Variants in NUP210L observed in about 807,000 individuals in gnomAD.
NUP210L encodes nucleoporin 210 like.
NUP210L carries 74 observed loss-of-function variants against 208.5 expected under a neutral mutation model. The observed-to-expected ratio is 0.35, with a 90% CI of 0.29 to 0.43. The LOEUF is 0.43. Among genes scored for constraint, NUP210L ranks in the 20% least tolerant of loss-of-function variants. The pLI, the probability that NUP210L is intolerant of heterozygous loss-of-function variation, is 1.00. For synonymous variants in NUP210L, 780 were observed against 816.9 expected (o/e 0.95, Z 0.77); for missense variants, 1,843 against 2,289.4 (o/e 0.81, Z 3.98).
chr1:154,085,201 A>C (rs1012513579), intron 16 of NUP210L, among the ~76,000 whole-genome samples: 7 of 145,634 alleles, frequency 4.8e-5, no homozygotes, highest in Admixed American at 6.9e-5. Flanking sequence ...CAAAAAAAAA[A>C]TAGCCAGGCT....
At chr1:154,071,105 T>C (rs1040707559) in intron 16 of NUP210L, among the ~76,000 whole-genome samples, 4 of 147,052 alleles carry the variant, frequency 2.7e-5, no homozygotes, top group Non-Finnish European at 6.0e-5. Context: ...TTGTTTTTTG[T>C]TTTTTTTTTG....
intron 25 of NUP210L, among the ~76,000 whole-genome samples, chr1:154,051,448 T>C: frequency 6.6e-6 from 1 of 152,106 alleles, no homozygotes. Flanking sequence ...TCTCCTGACC[T>C]CGTTATCCAA....
intron 15 of NUP210L, among the ~76,000 whole-genome samples, chr1:154,092,370 C>T (rs1365284107): frequency 2.7e-5 from 4 of 148,292 alleles, no homozygotes; most frequent in Non-Finnish European, 4.5e-5. Flanking sequence ...TTAGCCACCG[C>T]GCCCGGCCTT....
chr1:154,017,305 G>C (rs994313067), intron 33 of NUP210L, among the ~76,000 whole-genome samples: 1 of 148,070 alleles, frequency 6.8e-6, no homozygotes, highest in Non-Finnish European at 1.5e-5. Context: ...AAAGGGGGGG[G>C]CTCAGGTCAC....
chr1:154,059,169 T>C (rs1654015394), intron 20 of NUP210L, among the ~76,000 whole-genome samples: 1 of 152,122 alleles, frequency 6.6e-6, no homozygotes, highest in African/African-American at 2.4e-5. Context: ...ACCCTGTCTT[T>C]ACCCAAAACA....
chr1:154,065,483 C>A (rs1654356948), intron 17 of NUP210L, among the ~76,000 whole-genome samples: 1 of 151,962 alleles, frequency 6.6e-6, no homozygotes. Context: ...AAATGTTGGC[C>A]CCTCAGCCCT....
intron 17 of NUP210L, among the ~76,000 whole-genome samples, chr1:154,067,124 G>A (rs773539631): frequency 2.0e-5 from 3 of 152,050 alleles, no homozygotes; most frequent in Non-Finnish European, 4.4e-5. Context: ...ACCAACGCCT[G>A]GCAGAGACAC....
At chr1:154,082,966 T>C (rs954032931) in intron 16 of NUP210L, among the ~76,000 whole-genome samples, 2 of 152,106 alleles carry the variant, frequency 1.3e-5, no homozygotes, top group African/African-American at 4.8e-5. Flanking sequence ...TTCCTCCTGG[T>C]GGGTTTGTGG....
intron 27 of NUP210L, among the ~76,000 whole-genome samples, chr1:154,032,947 A>AGAG: frequency 7.4e-6 from 1 of 134,308 alleles, no homozygotes; most frequent in African/African-American, 2.7e-5. Flanking sequence ...CAAAAGAAAG[A>AGAG]AAGAAGAAAA....
At chr1:154,024,929 T>G (rs1209468422) in intron 30 of NUP210L, among the ~76,000 whole-genome samples, 7 of 139,646 alleles carry the variant, frequency 5.0e-5, no homozygotes, top group African/African-American at 1.1e-4. Flanking sequence ...TCTGTTTTTT[T>G]TTTTTTTTTT....
At chr1:153,993,639 G>A (rs1649624607) in intron 38 of NUP210L, among the ~76,000 whole-genome samples, 1 of 149,156 alleles carries the variant, frequency 6.7e-6, no homozygotes, top group African/African-American at 2.5e-5. Flanking sequence ...TAGGCTGTGT[G>A]TGGTGGCTCA....
At chr1:154,023,318 T>C (rs778623097) in intron 30 of NUP210L, 21 bp from the exon 31 acceptor site, 18 of 1,586,988 alleles carry the variant, frequency 1.1e-5, no homozygotes, top group Non-Finnish European at 1.5e-5. Context: ...CAAAACCTAC[T>C]GGTACAGAGA....
intron 12 of NUP210L, among the ~76,000 whole-genome samples, chr1:154,113,480 T>A (rs775206569): frequency 9.2e-5 from 14 of 151,794 alleles, no homozygotes; most frequent in Non-Finnish European, 1.9e-4. Flanking sequence ...CTAAGAACAG[T>A]TTTTACATTT....
At chr1:154,056,261 A>T (rs1653866294) in intron 23 of NUP210L, among the ~76,000 whole-genome samples, 1 of 151,410 alleles carries the variant, frequency 6.6e-6, no homozygotes, top group Non-Finnish European at 1.5e-5. Flanking sequence ...CTCAAGTGAC[A>T]CTCCTGTTTC....
chr1:154,031,778 GT>G (rs1652242294), intron 27 of NUP210L, among the ~76,000 whole-genome samples: 1 of 149,980 alleles, frequency 6.7e-6, no homozygotes, highest in East Asian at 2.0e-4. Flanking sequence ...AGTGAGTATA[GT>G]GGCACAATCA....
At chr1:153,995,497 T>G (rs1302310707) in intron 37 of NUP210L, 1 of 593,982 alleles carries the variant, frequency 1.7e-6, no homozygotes, top group African/African-American at 1.8e-5. Context: ...ATCTCCAGAG[T>G]AATACAACTC....
At chr1:154,022,302 G>C in exon 32 of NUP210L, 1 of 1,614,144 alleles carries the variant, frequency 6.2e-7, no homozygotes, top group Non-Finnish European at 8.5e-7. Context: ...GGCCATGTAA[G>C]TATAGTTCTT....
At chr1:154,009,342 C>G (rs1422343276) in intron 35 of NUP210L, among the ~76,000 whole-genome samples, 1 of 152,018 alleles carries the variant, frequency 6.6e-6, no homozygotes, top group Admixed American at 6.6e-5. Context: ...TCTTTCAATT[C>G]AACAAAACAT....
intron 16 of NUP210L, among the ~76,000 whole-genome samples, chr1:154,077,095 C>A (rs1179934628): frequency 6.6e-6 from 1 of 152,076 alleles, no homozygotes; most frequent in Non-Finnish European, 1.5e-5. Context: ...AGAAAAAGGG[C>A]CAGGTGCAGT....
Sources: allele counts gnomAD v4.1 joint callset (sites outside exome capture counted in the v4.1 genomes callset), GRCh38; gene constraint gnomAD v4.1.1; transcripts MANE v1.5; gene names NCBI Gene and HGNC (gene_info 2026-07-23, HGNC 2026-07-21).